The following CHORDC1 variants were observed in gnomAD, a reference collection of about 807,000 sequenced individuals.
The protein encoded by CHORDC1 is cysteine and histidine-rich domain-containing protein 1.
A neutral mutation model predicts 48.3 loss-of-function variants in CHORDC1; 25 were observed. The observed-to-expected ratio is 0.52, with a 90% CI of 0.38 to 0.72. CHORDC1 has a LOEUF of 0.72. Ranked by LOEUF, CHORDC1 falls within the 30% of genes least tolerant of loss-of-function variation. The pLI, the probability that CHORDC1 is intolerant of heterozygous loss-of-function variation, is 0.00. For missense variants in CHORDC1, 317 were observed against 388.7 expected (o/e 0.82, Z 1.55); for synonymous variants, 128 against 126.4 (o/e 1.01, Z -0.09).
At chr11:90,213,992 A>G in intron 4 of CHORDC1, 26 bp downstream of exon 4, 1 of 1,574,822 alleles carries the variant, frequency 6.3e-7, no homozygotes. Context: ...AAGTGTGACA[A>G]AAATATGTAA....
chr11:90,218,200 A>G lies in CHORDC1; in HGVS notation c.65-16T>C, dbSNP rs1370018245. 8 of 260,450 alleles carry G rather than the reference A, an allele frequency of 3.1e-5. No homozygotes were observed. The highest frequency in any genetic ancestry group is 1.0e-3 in the Middle Eastern group (1 of 992). 16.1% of individuals were successfully genotyped at this position (260,450 alleles called of 1,614,324 possible). On this transcript the variant is annotated splice_polypyrimidine_tract_variant and intron_variant, in intron 1 of 10. Transcript: ENST00000320585. ...GTGCAAGCATCTGGAGAAAACAGAGAAAAAAAAAAAAGTACCACTCTTTAT... is the reference window on the plus strand; with the variant it reads ...GTGCAAGCATCTGGAGAAAACAGAGGAAAAAAAAAAAGTACCACTCTTTAT...
chr11:90,209,829 T>TAAA (rs1281218563), intron 6 of CHORDC1, among the ~76,000 whole-genome samples: 3 of 152,182 alleles, frequency 2.0e-5, no homozygotes, highest in African/African-American at 7.2e-5. Context: ...CATCACCATG[T>TAAA]ATTTACCATT....
chr11:90,205,439 A>G (rs1591049312), intron 8 of CHORDC1, 21 bp downstream of exon 8: 2 of 1,293,328 alleles, frequency 1.5e-6, no homozygotes, highest in East Asian at 4.8e-5. Context: ...CCAGTGTGCT[A>G]TTTTTGGAAG....
At chr11:90,202,776 A>G in intron 10 of CHORDC1, 37 bp downstream of exon 10, 1 of 1,555,980 alleles carries the variant, frequency 6.4e-7, no homozygotes, top group Non-Finnish European at 8.7e-7. Flanking sequence ...GATCTAAGTT[A>G]TCAGAAAAAA....
intron 6 of CHORDC1, among the ~76,000 whole-genome samples, chr11:90,209,780 T>C (rs1457449333): frequency 6.6e-6 from 1 of 152,164 alleles, no homozygotes; most frequent in African/African-American, 2.4e-5. Context: ...CACAATAGCA[T>C]CCTAGCTGGT....
At chr11:90,222,663 G>A (rs892323422) in intron 1 of CHORDC1, 3 of 693,122 alleles carry the variant, frequency 4.3e-6, no homozygotes, top group South Asian at 1.5e-5. Flanking sequence ...TCTCTCCGCA[G>A]TGGCAGAGGA....
chr11:90,216,568 T>C (rs1019736865), intron 2 of CHORDC1: 2 of 439,104 alleles, frequency 4.6e-6, no homozygotes, highest in African/African-American at 4.1e-5. Flanking sequence ...AAGAAATGGT[T>C]ATAAAATAGA....
chr11:90,222,933 G>C lies in CHORDC1; in HGVS notation c.22C>G (p.Arg8Gly). 3.1e-6 allele frequency: 5 copies of C among 1,614,138 alleles called. No individual in the cohort carries two copies. The highest frequency in any genetic ancestry group is 4.2e-6 in the Non-Finnish European group (5 of 1,179,956). The change falls in exon 1 of 11, where the codon CGG becomes GGG. Residue 8 changes from arginine to glycine, a missense_variant. Transcript: ENST00000320585. Reference protein sequence around the residue: MALLCYNRGCGQRFDPET... With the variant: MALLCYNGGCGQRFDPET... ...GGATCGAAGCGCTGACCGCAGCCCC[G>C]GTTGTAGCACAGCAAGGCCATTTTC...
At chr11:90,220,966 C>G (rs1858156285) in intron 1 of CHORDC1, among the ~76,000 whole-genome samples, 2 of 151,898 alleles carry the variant, frequency 1.3e-5, no homozygotes, top group African/African-American at 4.8e-5. Flanking sequence ...CTTAAACACC[C>G]TTTAACTTCA....
intron 7 of CHORDC1, chr11:90,205,927 G>A: frequency 2.1e-6 from 1 of 474,194 alleles, no homozygotes; most frequent in Non-Finnish European, 3.8e-6. Flanking sequence ...AAAACATTTA[G>A]CCCAAATAGC....
intron 7 of CHORDC1, chr11:90,205,924 T>G (rs949739163): frequency 2.1e-6 from 1 of 472,728 alleles, no homozygotes; most frequent in African/African-American, 2.0e-5. Flanking sequence ...AACAAAACAT[T>G]TAGCCCAAAT....
chr11:90,204,130 C>G (rs1448221247), intron 8 of CHORDC1, among the ~76,000 whole-genome samples: 4 of 151,970 alleles, frequency 2.6e-5, no homozygotes, highest in Admixed American at 2.0e-4. Context: ...ATTACATTAA[C>G]TAAATTTAAA....
chr11:90,219,399 G>T (rs1858105702), intron 1 of CHORDC1, among the ~76,000 whole-genome samples: 1 of 152,094 alleles, frequency 6.6e-6, no homozygotes, highest in African/African-American at 2.4e-5. Context: ...ATTACAATTT[G>T]TGTTGGGAAC....
At chr11:90,214,297 G>C in intron 3 of CHORDC1, 122 bp from the exon 4 acceptor site, 1 of 779,050 alleles carries the variant, frequency 1.3e-6, no homozygotes, top group Non-Finnish European at 1.9e-6. Context: ...TCAATACATT[G>C]ATTTTAAGAA....
chr11:90,211,968 G>A (rs571507146), intron 4 of CHORDC1: 3 of 152,114 alleles, frequency 2.0e-5, no homozygotes, highest in Admixed American at 6.6e-5. Context: ...CTATATCCTC[G>A]ATGAAAAAAC....
Position 90,206,031 on chromosome 11 carries a change from T to TAAAC in CHORDC1, c.563+167_563+170dup, listed in dbSNP as rs1213377353. The TAAAC allele has an allele frequency of 3.9e-5, 24 of 621,494 alleles. No individual in the cohort carries two copies. The East Asian group carries it at 6.6e-4, about 17-fold the overall frequency. 38.5% of individuals were successfully genotyped at this position (621,494 alleles called of 1,614,324 possible). ...AACCTTGTTTCTGTTTTCTCATGTA[T>TAAAC]AAACACACAACATACAAACCCCTGT... On this transcript the variant is annotated intron_variant, in intron 7 of 10. Transcript: ENST00000320585.
rs569802464 is a variant in CHORDC1 at position 90,220,112 on chromosome 11, T to C, written c.65-1928A>G. Among the ~76,000 whole-genome samples, 209 of 152,352 alleles carry C rather than the reference T, an allele frequency of 1.4e-3. 1 individual carries two copies. The highest frequency in any genetic ancestry group is 2.7e-3 in the Non-Finnish European group (182 of 68,032). ...TTCATATGTGACCCAATTATTCTTCTTCCAATGTGGCCCAGATAATTCCTC... is the reference window on the plus strand; with the variant it reads ...TTCATATGTGACCCAATTATTCTTCCTCCAATGTGGCCCAGATAATTCCTC... On this transcript the variant is annotated intron_variant, in intron 1 of 10. Coordinates refer to ENST00000320585, the MANE Select transcript of CHORDC1 (RefSeq NM_012124.3).
Position 90,202,320 on chromosome 11 carries a change from A to C in CHORDC1, c.*85T>G. 1 of 1,323,498 alleles carries C rather than the reference A, an allele frequency of 7.6e-7. No homozygotes were observed. Among genetic ancestry groups the C allele is most frequent in the Non-Finnish European group, 1.1e-6 (1 of 944,522 alleles). 82.0% of individuals were successfully genotyped at this position (1,323,498 alleles called of 1,614,324 possible). A position where few individuals can be genotyped will look rare whatever the true frequency, so the allele number is the denominator to read the frequency against. On this transcript the variant is annotated 3_prime_UTR_variant, in exon 11 of 11. Coordinates refer to ENST00000320585, the MANE Select transcript of CHORDC1 (RefSeq NM_012124.3). ...GCCACATTCAGTAACACAACAACAAAACAAAAGATTACAGCAGCAAGCCAC... is the reference window on the plus strand; with the variant it reads ...GCCACATTCAGTAACACAACAACAACACAAAAGATTACAGCAGCAAGCCAC...
intron 2 of CHORDC1, among the ~76,000 whole-genome samples, chr11:90,217,446 T>C (rs1347571779): frequency 6.6e-6 from 1 of 152,130 alleles, no homozygotes; most frequent in Non-Finnish European, 1.5e-5. Flanking sequence ...CTCCAGAACA[T>C]CCAAGAAGTA....
Sources: gnomAD v4.1 joint callset for allele counts (sites outside exome capture counted in the v4.1 genomes callset) on GRCh38, gnomAD v4.1.1 for gene constraint, MANE v1.5 for transcripts, NCBI Gene and HGNC (gene_info 2026-07-23, HGNC 2026-07-21) for gene names.